Variants in LRP1B observed in about 807,000 individuals in gnomAD.
The protein encoded by LRP1B is low-density lipoprotein receptor-related protein 1B.
LRP1B carries 217 observed loss-of-function variants against 556.6 expected under a neutral mutation model. That is an observed-to-expected ratio of 0.39 (90% CI 0.35 to 0.44). LRP1B has a LOEUF of 0.44. Ranked by LOEUF, LRP1B falls within the 20% of genes least tolerant of loss-of-function variation. The pLI is 1.00. For synonymous variants in LRP1B, 2,047 were observed against 1,865.8 expected (o/e 1.10, Z -2.50); for missense variants, 5,053 against 5,620.8 (o/e 0.90, Z 3.23).
At chr2:140,543,909 A>G (rs1322786700) in intron 43 of LRP1B, among the ~76,000 whole-genome samples, 1 of 152,054 alleles carries the variant, frequency 6.6e-6, no homozygotes, top group Non-Finnish European at 1.5e-5. Context: ...TTGAAATAGG[A>G]AATAACTATT....
chr2:140,598,858 CTA>C (rs761417708), intron 42 of LRP1B, 23 bp from the exon 43 acceptor site: 1 of 1,480,760 alleles, frequency 6.8e-7, no homozygotes, highest in East Asian at 2.3e-5. Context: ...AAAATTGTAA[CTA>C]TAAATTAAAC....
intron 43 of LRP1B, among the ~76,000 whole-genome samples, chr2:140,545,588 A>T (rs142288044): frequency 6.6e-6 from 1 of 152,130 alleles, no homozygotes; most frequent in Non-Finnish European, 1.5e-5. Context: ...AACACCAGAC[A>T]GTTGTAGGTA....
intron 41 of LRP1B, among the ~76,000 whole-genome samples, chr2:140,646,888 A>G (rs1329709883): frequency 6.6e-6 from 1 of 152,068 alleles, no homozygotes; most frequent in Non-Finnish European, 1.5e-5. Flanking sequence ...ACCTATACAC[A>G]TATATATGTA....
At chr2:141,082,347 A>G (rs1325597808) in intron 7 of LRP1B, among the ~76,000 whole-genome samples, 1 of 52,156 alleles carries the variant, frequency 1.9e-5, no homozygotes, top group Non-Finnish European at 4.8e-5. Context: ...AACGAACTCC[A>G]ATGATTTGGA....
intron 49 of LRP1B, among the ~76,000 whole-genome samples, chr2:140,521,381 A>C (rs1690166442): frequency 6.6e-6 from 1 of 152,096 alleles, no homozygotes; most frequent in African/African-American, 2.4e-5. Context: ...TCTAGAAGAG[A>C]TTGGGGACCT....
chr2:142,124,637 G>C (rs956423798), intron 1 of LRP1B, among the ~76,000 whole-genome samples: 2 of 150,646 alleles, frequency 1.3e-5, no homozygotes, highest in Non-Finnish European at 3.0e-5. Context: ...AATTCTCTTT[G>C]AGTACAAATG....
chr2:140,965,817 T>TTC (rs397935319), intron 18 of LRP1B, among the ~76,000 whole-genome samples: 7 of 151,040 alleles, frequency 4.6e-5, no homozygotes, highest in Non-Finnish European at 8.9e-5. Context: ...TTTTTTTTTT[T>TTC]CCCTGCAATA....
intron 7 of LRP1B, among the ~76,000 whole-genome samples, chr2:141,063,450 C>T (rs1699394644): frequency 6.6e-6 from 1 of 151,778 alleles, no homozygotes; most frequent in Admixed American, 6.6e-5. Context: ...GTATATATTT[C>T]ACCAAATGTT....
At chr2:141,796,721 A>G (rs1695825367) in intron 2 of LRP1B, among the ~76,000 whole-genome samples, 1 of 151,884 alleles carries the variant, frequency 6.6e-6, no homozygotes, top group Non-Finnish European at 1.5e-5. Context: ...CAACTTGCAA[A>G]CATTTTCTCT....
intron 86 of LRP1B, among the ~76,000 whole-genome samples, chr2:140,258,513 A>C (rs936532037): frequency 1.3e-5 from 2 of 152,132 alleles, no homozygotes; most frequent in African/African-American, 4.8e-5. Flanking sequence ...AATAACAAGC[A>C]CTTTTTAAAA....
At chr2:141,491,144 A>G (rs1368320321) in intron 2 of LRP1B, among the ~76,000 whole-genome samples, 1 of 152,140 alleles carries the variant, frequency 6.6e-6, no homozygotes, top group African/African-American at 2.4e-5. Flanking sequence ...TGATTCTCAT[A>G]TCACATTTCT....
chr2:141,499,485 G>A (rs1188855396), intron 2 of LRP1B, among the ~76,000 whole-genome samples: 1 of 151,966 alleles, frequency 6.6e-6, no homozygotes, highest in Admixed American at 6.6e-5. Flanking sequence ...GGATATATTT[G>A]TTTTGCTTTG....
chr2:140,371,775 A>G (rs1008686296), intron 69 of LRP1B, among the ~76,000 whole-genome samples: 4 of 152,028 alleles, frequency 2.6e-5, no homozygotes, highest in African/African-American at 7.2e-5. Flanking sequence ...AGACCCAATA[A>G]TATCTATTTG....
chr2:140,495,953 T>C (rs373091362), intron 55 of LRP1B, among the ~76,000 whole-genome samples: 121 of 152,330 alleles, frequency 7.9e-4, no homozygotes, highest in African/African-American at 2.7e-3. Context: ...CTTCATTTGA[T>C]CTTTTGAAGT....
intron 1 of LRP1B, among the ~76,000 whole-genome samples, chr2:142,042,644 G>A (rs1203956258): frequency 2.0e-5 from 3 of 151,402 alleles, no homozygotes; most frequent in Non-Finnish European, 4.4e-5. Context: ...ATATATACTA[G>A]GTTCAAAAAG....
At chr2:140,359,018 T>A (rs1682380903) in intron 72 of LRP1B, 72 bp from the exon 73 acceptor site, 2 of 1,425,976 alleles carry the variant, frequency 1.4e-6, no homozygotes, top group East Asian at 2.5e-5. Flanking sequence ...TCTTCCTTTT[T>A]CTTTTATTCT....
chr2:140,428,312 C>A lies in LRP1B; in HGVS notation c.10414+14192G>T, dbSNP rs369499803. 4.7e-4 allele frequency among the ~76,000 whole-genome samples: 71 copies of A among 152,154 alleles called. 1 individual carries two copies. The highest frequency in any genetic ancestry group is 7.1e-4 in the Non-Finnish European group (48 of 68,030). Reference sequence around the variant, plus strand: ...GAGTTGCAATTCCTTGCCTCCACTGCGAGACAAACCCCAGCCACATCTCCA... The same window carrying A: ...GAGTTGCAATTCCTTGCCTCCACTGAGAGACAAACCCCAGCCACATCTCCA... On this transcript the variant is annotated intron_variant, in intron 66 of 90. Coordinates refer to ENST00000389484, the MANE Select transcript of LRP1B (RefSeq NM_018557.3).
intron 90 of LRP1B, among the ~76,000 whole-genome samples, chr2:140,234,554 C>G (rs1680611594): frequency 6.6e-6 from 1 of 151,230 alleles, no homozygotes; most frequent in African/African-American, 2.4e-5. Flanking sequence ...ATAACATTTC[C>G]AAATCCAGTA....
At chr2:140,775,975 C>T in intron 33 of LRP1B, 123 bp downstream of exon 33, 1 of 837,944 alleles carries the variant, frequency 1.2e-6, no homozygotes. Context: ...CAACATTTTC[C>T]TTTTTTCTCT....
Sources: gnomAD v4.1 joint callset for allele counts (sites outside exome capture counted in the v4.1 genomes callset) on GRCh38, gnomAD v4.1.1 for gene constraint, MANE v1.5 for transcripts, NCBI Gene and HGNC (gene_info 2026-07-23, HGNC 2026-07-21) for gene names.